LAT: variants seen among roughly 807,000 people sequenced by gnomAD.
LAT encodes linker for activation of T-cells family member 1.
LAT carries 12 observed loss-of-function variants against 39.1 expected under a neutral mutation model. The observed-to-expected ratio is 0.31, with a 90% CI of 0.20 to 0.50. The LOEUF (loss-of-function observed/expected upper bound fraction) is 0.50, where lower values mean the gene tolerates loss of function less well. LAT is among the 20% of genes least tolerant of loss of function. The pLI is 0.98. For missense variants in LAT, 253 were observed against 308.0 expected (o/e 0.82, Z 1.34); for synonymous variants, 117 against 123.8 (o/e 0.95, Z 0.36).
intron 11 of LAT, 44 bp downstream of exon 11, chr16:28,990,063 C>G: frequency 6.6e-7 from 1 of 1,514,156 alleles, no homozygotes; most frequent in Non-Finnish European, 9.1e-7. Flanking sequence ...GGCCCACAGG[C>G]TCTACTCCTT....
intron 8 of LAT, chr16:28,989,266 T>G: frequency 2.1e-6 from 1 of 476,320 alleles, no homozygotes; most frequent in Non-Finnish European, 3.7e-6. Flanking sequence ...TGAGCTCTCC[T>G]CAGTCCCAGT....
intron 8 of LAT, among the ~76,000 whole-genome samples, chr16:28,987,137 G>A (rs912908727): frequency 6.6e-6 from 1 of 152,128 alleles, no homozygotes; most frequent in African/African-American, 2.4e-5. Context: ...TTAAACTCCT[G>A]GGCTCAAGTG....
rs182816098 is a variant in LAT, at chr16:28,990,731, C to T, written c.*550C>T. On this transcript the variant is annotated 3_prime_UTR_variant, in exon 12 of 12. Coordinates refer to ENST00000395456, the MANE Select transcript of LAT (RefSeq NM_001014987.2). ...GATGGGACCTGATGACCTGGGAGGACTCTCTTAGTTCTTACCTTTTGTGGT... is the reference window on the plus strand; with the variant it reads ...GATGGGACCTGATGACCTGGGAGGATTCTCTTAGTTCTTACCTTTTGTGGT... 6.4e-4 allele frequency: 101 copies of T among 156,866 alleles called. No homozygotes were observed. The highest frequency in any genetic ancestry group is 2.3e-3 in the African/African-American group (97 of 41,604). 9.7% of individuals were successfully genotyped at this position (156,866 alleles called of 1,614,324 possible).
At position 28,986,241 on chromosome 16, in the gene LAT, C is replaced by T; in HGVS notation, c.245+25C>T. On this transcript the variant is annotated intron_variant, in intron 4 of 11. Coordinates refer to ENST00000395456, the MANE Select transcript of LAT (RefSeq NM_001014987.2). This position sits in a 1 kb window ranked among gnomAD's most constrained non-coding sequence, Gnocchi z 5.7. ...CGTGAGTAGCTGCTCAGCCCCTGCC[C>T]CTCCAAAGCTCAGCCCCTCCCCCTC... 1 of 1,569,050 alleles carries T rather than the reference C, an allele frequency of 6.4e-7. No homozygotes were observed. The highest frequency in any genetic ancestry group is 8.7e-7 in the Non-Finnish European group (1 of 1,151,064).
upstream of LAT, chr16:28,984,962 G>C: frequency 6.7e-7 from 1 of 1,486,866 alleles, no homozygotes; most frequent in Admixed American, 2.3e-5. Flanking sequence ...GCCTCCTCCT[G>C]CCCCCTCCCC....
chr16:28,989,611 G>A, intron 9 of LAT, 22 bp downstream of exon 9: 1 of 1,603,194 alleles, frequency 6.2e-7, no homozygotes, highest in African/African-American at 1.3e-5. Flanking sequence ...GTGCTTGTCG[G>A]TGCCTGCCCC....
rs776829556 is a variant in LAT, at chr16:28,986,208, C to T, written c.237C>T (p.Leu79=). The T allele has an allele frequency of 6.3e-7, 1 of 1,598,832 alleles. No homozygotes were observed. The highest frequency in any genetic ancestry group is 1.1e-5 in the South Asian group (1 of 88,952). ...CACCCCTGAGCCAGCCAGACCTGCTCCCCATCCCGTGAGTAGCTGCTCAGC... is the reference window on the plus strand; with the variant it reads ...CACCCCTGAGCCAGCCAGACCTGCTTCCCATCCCGTGAGTAGCTGCTCAGC... ...SYPPLSQPDL[L]PIPRSPQPLG... is the part of the protein sequence containing the mutation. The change falls in exon 4 of 12, where the codon CTC becomes CTT. Residue 79 remains leucine, a synonymous_variant. Coordinates refer to ENST00000395456, the MANE Select transcript of LAT (RefSeq NM_001014987.2). This position sits in a 1 kb window ranked among gnomAD's most constrained non-coding sequence, Gnocchi z 5.7.
chr16:28,985,075 G>C lies in LAT; in HGVS notation c.-343G>C, dbSNP rs1016426624. 2 of 1,427,028 alleles carry C rather than the reference G, an allele frequency of 1.4e-6. No individual in the cohort carries two copies. Among genetic ancestry groups the C allele is most frequent in the African/African-American group, 2.9e-5 (2 of 69,050 alleles). The allele number at this position is 1,427,028 out of a possible 1,614,324, so 88.4% of individuals were successfully genotyped here. ...CCACAGCTTCCTGCCGCAGGCGGGC[G>C]GGAGGGCGGGCACGGAGAGGCGGGC... On this transcript the variant is annotated 5_prime_UTR_variant, in exon 1 of 12. Coordinates refer to ENST00000395456, the MANE Select transcript of LAT (RefSeq NM_001014987.2). The surrounding 1 kb of genome is among the most constrained non-coding windows in gnomAD (Gnocchi z 4.6).
In LAT at chr16:28,990,251, TGGCTCTGGG is replaced by T. The variant is rs1965842395; in HGVS notation, c.*72_*80del. The T allele has an allele frequency of 2.9e-6, 2 of 687,542 alleles. No individual in the cohort carries two copies. The highest frequency in any genetic ancestry group is 5.5e-5 in the East Asian group (2 of 36,236). The allele number at this position is 687,542 out of a possible 1,614,324, so 42.6% of individuals were successfully genotyped here. On this transcript the variant is annotated 3_prime_UTR_variant, in exon 12 of 12. Transcript: ENST00000395456. Reference sequence around the variant, plus strand: ...GACGGCTGAGCTGGGCAGCTGGAAGTGGCTCTGGGGTCCTCACATGGCGTCCTGCCCTTG... The same window carrying T: ...GACGGCTGAGCTGGGCAGCTGGAAGTGTCCTCACATGGCGTCCTGCCCTTG...
In LAT at chr16:28,986,455, G is replaced by T. The variant is rs1224667896; in HGVS notation, c.310+9G>T. 6.2e-7 allele frequency: 1 copy of T among 1,613,940 alleles called. No homozygotes were observed. Among genetic ancestry groups the T allele is most frequent in the Non-Finnish European group, 8.5e-7 (1 of 1,179,958 alleles). On this transcript the variant is annotated intron_variant, in intron 5 of 11. Coordinates refer to ENST00000395456, the MANE Select transcript of LAT (RefSeq NM_001014987.2). The surrounding 1 kb of genome is among the most constrained non-coding windows in gnomAD (Gnocchi z 5.7). Reference sequence around the variant, plus strand: ...GCGGGATTCTGATGGTGGTAAGTGTGGGGAAGGGTTCAGGCGGCGGGGGCT... The same window carrying T: ...GCGGGATTCTGATGGTGGTAAGTGTTGGGAAGGGTTCAGGCGGCGGGGGCT...
rs1437535464 is a variant in LAT, at chr16:28,990,197, G to A, written c.*16G>A. The A allele has an allele frequency of 1.1e-5, 8 of 714,960 alleles. No individual in the cohort carries two copies. Among genetic ancestry groups the A allele is most frequent in the East Asian group, 8.0e-5 (3 of 37,298 alleles). The allele number at this position is 714,960 out of a possible 1,614,324, so 44.3% of individuals were successfully genotyped here. A position where few individuals can be genotyped will look rare whatever the true frequency, so the allele number is the denominator to read the frequency against. Reference sequence around the variant, plus strand: ...GCCCTGGTGTGTTTCAGTGGAGGCCGAGTCTGTCCTGGAACCAGGCTTGCC... The same window carrying A: ...GCCCTGGTGTGTTTCAGTGGAGGCCAAGTCTGTCCTGGAACCAGGCTTGCC... On this transcript the variant is annotated 3_prime_UTR_variant, in exon 12 of 12. Transcript: ENST00000395456.
In LAT at chr16:28,986,967, C is replaced by A; in HGVS notation, c.493+74C>A. 7.9e-7 allele frequency: 1 copy of A among 1,270,204 alleles called. No homozygotes were observed. Among genetic ancestry groups the A allele is most frequent in the South Asian group, 1.3e-5 (1 of 75,386 alleles). 78.7% of individuals were successfully genotyped at this position (1,270,204 alleles called of 1,614,324 possible). On this transcript the variant is annotated intron_variant, in intron 8 of 11. Coordinates refer to ENST00000395456, the MANE Select transcript of LAT (RefSeq NM_001014987.2). The surrounding 1 kb of genome is among the most constrained non-coding windows in gnomAD (Gnocchi z 5.7). ...GGAGTGCAGTGGTGCCATTGTAGCT[C>A]GCTGCAGCCTTGAACTCCTGGGCTC...
In LAT at chr16:28,986,633, T is replaced by C; in HGVS notation, c.341-24T>C. Reference sequence around the variant, plus strand: ...GTCTGGGGTCCGTCCTGGACTAGGCTGACCCCTGTGTCGTTACCCCCAGAA... The same window carrying C: ...GTCTGGGGTCCGTCCTGGACTAGGCCGACCCCTGTGTCGTTACCCCCAGAA... On this transcript the variant is annotated intron_variant, in intron 6 of 11. Coordinates refer to ENST00000395456, the MANE Select transcript of LAT (RefSeq NM_001014987.2). This position sits in a 1 kb window ranked among gnomAD's most constrained non-coding sequence, Gnocchi z 5.7. 3.1e-6 allele frequency: 5 copies of C among 1,614,054 alleles called. No individual in the cohort carries two copies. The highest frequency in any genetic ancestry group is 4.2e-6 in the Non-Finnish European group (5 of 1,179,978).
chr16:28,988,395 A>G (rs1375911199), intron 8 of LAT: 3 of 152,412 alleles, frequency 2.0e-5, no homozygotes, highest in African/African-American at 7.2e-5. Flanking sequence ...GCGGTCTTCA[A>G]AAACAAACAA....
At chr16:28,987,022 C>T in intron 8 of LAT, 129 bp downstream of exon 8, 1 of 749,088 alleles carries the variant, frequency 1.3e-6, no homozygotes, top group Non-Finnish European at 2.1e-6. Context: ...GCTACTCGGC[C>T]TCAGCCTCCC....
rs747997095 is a variant in LAT at position 28,990,362 on chromosome 16, G to A, written c.*181G>A. On this transcript the variant is annotated 3_prime_UTR_variant, in exon 12 of 12. Coordinates refer to ENST00000395456, the MANE Select transcript of LAT (RefSeq NM_001014987.2). ...GGGGTTCGGCCTGTGTCCCCCGAAC[G>A]CTCTGCACCTTCTGACGCAGCCTGA... The A allele has an allele frequency of 1.0e-5, 5 of 484,004 alleles. No homozygotes were observed. The highest frequency in any genetic ancestry group is 1.9e-5 in the African/African-American group (1 of 51,792). The allele number at this position is 484,004 out of a possible 1,614,324, so 30.0% of individuals were successfully genotyped here. A position where few individuals can be genotyped will look rare whatever the true frequency, so the allele number is the denominator to read the frequency against.
In LAT at chr16:28,986,230, C is replaced by G. The variant is rs1337878843; in HGVS notation, c.245+14C>G. On this transcript the variant is annotated intron_variant, in intron 4 of 11. Coordinates refer to ENST00000395456, the MANE Select transcript of LAT (RefSeq NM_001014987.2). This position sits in a 1 kb window ranked among gnomAD's most constrained non-coding sequence, Gnocchi z 5.7. ...GCTCCCCATCCCGTGAGTAGCTGCT[C>G]AGCCCCTGCCCCTCCAAAGCTCAGC... 1 of 1,580,712 alleles carries G rather than the reference C, an allele frequency of 6.3e-7. No individual in the cohort carries two copies. The highest frequency in any genetic ancestry group is 1.8e-5 in the Admixed American group (1 of 56,772).
chr16:28,985,037 C>T (rs941976665), upstream of LAT: 9 of 1,426,030 alleles, frequency 6.3e-6, no homozygotes, highest in South Asian at 5.9e-5. This position sits in a 1 kb window ranked among gnomAD's most constrained non-coding sequence, Gnocchi z 4.6. Flanking sequence ...TTCCTGCCCT[C>T]GCCCGGCGCT....
In LAT at chr16:28,986,824, G is replaced by T. The variant is rs1286473547; in HGVS notation, c.424G>T (p.Ala142Ser). The change falls in exon 8 of 12, where the codon GCC (alanine) becomes TCC (serine). Residue 142 changes from alanine (A) to serine (S), a missense_variant. By Grantham distance (99) the Ala-to-Ser change is moderately conservative. Coordinates refer to ENST00000395456, the MANE Select transcript of LAT (RefSeq NM_001014987.2). The surrounding 1 kb of genome is among the most constrained non-coding windows in gnomAD (Gnocchi z 5.7). ...YLVVLPDSTP[A>S]TSTAAPSAPA... ...GGTGGTGCTTCCTGACAGCACCCCG[G>T]CCACTAGCACTGCTGCCCCATCAGC... 2 of 1,613,988 alleles carry T rather than the reference G, an allele frequency of 1.2e-6. No individual in the cohort carries two copies.
Sources: allele counts gnomAD v4.1 joint callset (sites outside exome capture counted in the v4.1 genomes callset), GRCh38; gene constraint gnomAD v4.1.1; non-coding constraint Gnocchi (gnomAD v3.1); transcripts MANE v1.5; gene names NCBI Gene and HGNC (gene_info 2026-07-23, HGNC 2026-07-21).